Variants in MAF observed in about 807,000 individuals in gnomAD.
MAF encodes transcription factor Maf.
In MAF, 10 loss-of-function variants were observed where a neutral mutation model predicts 22.0. The observed-to-expected ratio is 0.45, with a 90% CI of 0.28 to 0.77. The LOEUF (loss-of-function observed/expected upper bound fraction) is 0.77, where lower values mean the gene tolerates loss of function less well. Among genes scored for constraint, MAF ranks in the 30% least tolerant of loss-of-function variants. The pLI, the probability that MAF is intolerant of heterozygous loss-of-function variation, is 0.12. For missense variants in MAF, 544 were observed against 548.4 expected (o/e 0.99, Z 0.08); for synonymous variants, 337 against 255.8 (o/e 1.32, Z -3.03).
At chr16:79,401,677 A>G in the MAF span, among the ~76,000 whole-genome samples, 5 of 152,174 alleles carry the variant, frequency 3.3e-5, no homozygotes, top group Non-Finnish European at 7.3e-5. Flanking sequence ...TAATAGTGAT[A>G]ATAATAATAA....
chr16:79,363,730 A>C, the MAF span, among the ~76,000 whole-genome samples: 1 of 152,306 alleles, frequency 6.6e-6, no homozygotes, highest in African/African-American at 2.4e-5. Context: ...ACCTCAGTGA[A>C]TGGGGTCACT....
the MAF span, among the ~76,000 whole-genome samples, chr16:79,559,377 A>C: frequency 1.3e-5 from 2 of 152,174 alleles, no homozygotes; most frequent in Admixed American, 1.3e-4. Flanking sequence ...CTCTATGTAA[A>C]TTCTAAAGGC....
chr16:79,299,494 G>A, the MAF span, among the ~76,000 whole-genome samples: 4 of 152,202 alleles, frequency 2.6e-5, no homozygotes, highest in African/African-American at 9.7e-5. Flanking sequence ...CAAGCGGGTG[G>A]CCGGAGAAGG....
At chr16:79,276,861 G>A in the MAF span, among the ~76,000 whole-genome samples, 4 of 152,098 alleles carry the variant, frequency 2.6e-5, no homozygotes, top group Admixed American at 1.3e-4. Flanking sequence ...CGGCAGGGCT[G>A]CGCTTCCTTT....
At chr16:79,222,259 A>G in the MAF span, among the ~76,000 whole-genome samples, 1,129 of 152,306 alleles carry the variant, frequency 7.4e-3, 2 homozygotes, top group African/African-American at 0.018. Context: ...CGAAGGAGAA[A>G]TAAAATTCTT....
the MAF span, among the ~76,000 whole-genome samples, chr16:79,321,464 G>C: frequency 6.6e-6 from 1 of 152,142 alleles, no homozygotes; most frequent in African/African-American, 2.4e-5. Flanking sequence ...AGGCTAGAGA[G>C]GAGAGGCCCA....
the MAF span, among the ~76,000 whole-genome samples, chr16:79,566,729 GT>G: frequency 1.7e-3 from 262 of 152,240 alleles, no homozygotes; most frequent in Non-Finnish European, 3.2e-3. Flanking sequence ...CTTCATCTTG[GT>G]GAGATGTGCA....
At chr16:79,275,634 T>C in the MAF span, among the ~76,000 whole-genome samples, 17 of 152,276 alleles carry the variant, frequency 1.1e-4, no homozygotes, top group African/African-American at 3.9e-4. Context: ...TTCTGCCCCA[T>C]TGTCAGTCAT....
the MAF span, among the ~76,000 whole-genome samples, chr16:79,318,569 C>T: frequency 1.3e-5 from 2 of 152,144 alleles, no homozygotes; most frequent in Admixed American, 6.5e-5. Context: ...TCATCTAAGT[C>T]GGCAGATGAT....
the MAF span, among the ~76,000 whole-genome samples, chr16:79,429,261 T>C: frequency 4.6e-5 from 7 of 152,274 alleles, no homozygotes; most frequent in Admixed American, 4.6e-4. Context: ...AATGAGCCAA[T>C]ACAAATATCC....
downstream of MAF, among the ~76,000 whole-genome samples, chr16:79,583,638 G>C (rs1293576542): frequency 2.6e-5 from 4 of 152,236 alleles, no homozygotes; most frequent in Admixed American, 2.6e-4. Flanking sequence ...CGCATAACAT[G>C]CAAGAACATG....
the MAF span, among the ~76,000 whole-genome samples, chr16:79,539,934 A>G: frequency 6.6e-6 from 1 of 152,120 alleles, no homozygotes; most frequent in African/African-American, 2.4e-5. Context: ...CTTTTCCTAT[A>G]TCCTTTACTG....
chr16:79,286,096 T>C, the MAF span, among the ~76,000 whole-genome samples: 60 of 152,242 alleles, frequency 3.9e-4, no homozygotes, highest in Non-Finnish European at 7.6e-4. Context: ...AAGATCAATA[T>C]TGATAGGCAT....
In MAF at chr16:79,599,126, G is replaced by A. The variant is rs1432507404; in HGVS notation, c.777C>T (p.Asp259=). The A allele has an allele frequency of 1.3e-6, 2 of 1,590,718 alleles. No homozygotes were observed. Among genetic ancestry groups the A allele is most frequent in the East Asian group, 4.5e-5 (2 of 44,168 alleles). Residue 259 remains aspartate, a synonymous_variant, in exon 1 of 2, where the codon GAC becomes GAT. Coordinates refer to ENST00000326043, the MANE Select transcript of MAF (RefSeq NM_005360.5). ...HHAAGGLHFD[D]RFSDEQLVTM... is the part of the protein sequence containing the mutation. ...TCACCAGCTGCTCGTCGGAGAAGCG[G>A]TCGTCGAAGTGCAGGCCGCCGGCGG...
chr16:79,323,561 G>A, the MAF span, among the ~76,000 whole-genome samples: 1 of 152,178 alleles, frequency 6.6e-6, no homozygotes, highest in African/African-American at 2.4e-5. Flanking sequence ...AGACAAAGAA[G>A]TGGCCGAGTT....
chr16:79,344,929 G>A, the MAF span, among the ~76,000 whole-genome samples: 711 of 152,272 alleles, frequency 4.7e-3, 6 homozygotes, highest in Admixed American at 7.1e-3. Flanking sequence ...CTTTTGTGAA[G>A]AATGTAATTA....
At chr16:79,210,549 G>T in the MAF span, among the ~76,000 whole-genome samples, 46 of 152,188 alleles carry the variant, frequency 3.0e-4, no homozygotes, top group South Asian at 6.2e-4. Context: ...TACCTTTTCC[G>T]GTCCTCTCTT....
chr16:79,237,571 G>C, the MAF span, among the ~76,000 whole-genome samples: 2 of 152,058 alleles, frequency 1.3e-5, no homozygotes, highest in Admixed American at 1.3e-4. Flanking sequence ...GCCTTTCAGA[G>C]TATGGAGACG....
At chr16:79,572,295 C>A in the MAF span, among the ~76,000 whole-genome samples, 470 of 152,270 alleles carry the variant, frequency 3.1e-3, 3 homozygotes, top group African/African-American at 0.011. Flanking sequence ...TTTTGCCCTG[C>A]ATCTGCGATT....
Sources: allele counts gnomAD v4.1 joint callset (sites outside exome capture counted in the v4.1 genomes callset), GRCh38; gene constraint gnomAD v4.1.1; transcripts MANE v1.5; gene names NCBI Gene and HGNC (gene_info 2026-07-23, HGNC 2026-07-21).